PYM1: variants seen among roughly 807,000 people sequenced by gnomAD.
The protein encoded by PYM1 is PYM1 exon junction complex associated factor, also known as partner of Y14 and mago.
Under a neutral mutation model 20.7 loss-of-function variants are expected in PYM1, and 7 were observed. The observed-to-expected ratio is 0.34, with a 90% confidence interval of 0.19 to 0.64. The LOEUF is 0.64. PYM1 is among the 30% of genes least tolerant of loss of function. The pLI is 0.74. For synonymous variants in PYM1, 100 were observed against 99.2 expected, an observed-to-expected ratio of 1.01 and a Z score of -0.05; for missense variants, 194 against 250.0, an observed-to-expected ratio of 0.78 and a Z score of 1.51.
chr12:55,923,980 G>A (rs1330845104), intron 1 of PYM1, among the ~76,000 whole-genome samples: 3 of 151,938 alleles, frequency 2.0e-5, no homozygotes, highest in Non-Finnish European at 4.4e-5. Context: ...GGAGGCTGAG[G>A]CAGAAGAATC....
chr12:55,905,737 T>TAC, intron 1 of PYM1, among the ~76,000 whole-genome samples: 1 of 135,934 alleles, frequency 7.4e-6, no homozygotes, highest in Admixed American at 8.3e-5. Flanking sequence ...TATATATATA[T>TAC]ATTTTATAGA....
intron 1 of PYM1, among the ~76,000 whole-genome samples, chr12:55,904,119 C>T (rs1882742236): frequency 1.3e-5 from 2 of 151,986 alleles, no homozygotes; most frequent in South Asian, 4.2e-4. Context: ...AGGCCCCTGC[C>T]ACCACATCCG....
At chr12:55,926,851 G>A (rs1170539828) in intron 1 of PYM1, among the ~76,000 whole-genome samples, 1 of 152,166 alleles carries the variant, frequency 6.6e-6, no homozygotes, top group Non-Finnish European at 1.5e-5. Context: ...GCAGGGACCA[G>A]CACTGAAGGA....
At chr12:55,925,806 G>T (rs543532372) in intron 1 of PYM1, among the ~76,000 whole-genome samples, 1 of 152,346 alleles carries the variant, frequency 6.6e-6, no homozygotes, top group Non-Finnish European at 1.5e-5. Context: ...TTTTCACGGA[G>T]TCAGGGTAAA....
intron 1 of PYM1, among the ~76,000 whole-genome samples, chr12:55,925,549 GA>G (rs1301080164): frequency 2.0e-5 from 3 of 152,040 alleles, no homozygotes; most frequent in Non-Finnish European, 2.9e-5. Flanking sequence ...AAAAAGGAGA[GA>G]AAAAAATATG....
chr12:55,927,541 A>G (rs1883217624), intron 1 of PYM1, 184 bp downstream of exon 1: 1 of 756,532 alleles, frequency 1.3e-6, no homozygotes, highest in Non-Finnish European at 2.1e-6. Flanking sequence ...GGTGACGTGG[A>G]GCAGACAAAC....
chr12:55,927,413 T>C, intron 1 of PYM1: 1 of 710,916 alleles, frequency 1.4e-6, no homozygotes, highest in Non-Finnish European at 2.5e-6. Context: ...TCCTCGTACG[T>C]CCAGGACCTG....
At chr12:55,927,606 C>CT in intron 1 of PYM1, 119 bp downstream of exon 1, 1 of 1,347,348 alleles carries the variant, frequency 7.4e-7, no homozygotes, top group Non-Finnish European at 1.0e-6. Flanking sequence ...GAGACCCTAT[C>CT]TAACCCTAAG....
rs35583468 is a variant in PYM1 at position 55,906,484 on chromosome 12, C to T, written c.38-3004G>A. ...GTTTCACCAACCATGTCTTTTGCAC[C>T]ATTGGTGCAAAGTCAACCCCATGAA... On this transcript the variant is annotated intron_variant, in intron 1 of 2. Transcript: ENST00000408946. 3.6e-3 allele frequency among the ~76,000 whole-genome samples: 541 copies of T among 152,072 alleles called. 1 individual carries two copies. Among genetic ancestry groups the T allele is most frequent in the Non-Finnish European group, 6.0e-3 (406 of 67,970 alleles).
At chr12:55,908,891 G>A (rs1592636729) in intron 1 of PYM1, among the ~76,000 whole-genome samples, 1 of 151,948 alleles carries the variant, frequency 6.6e-6, no homozygotes, top group Non-Finnish European at 1.5e-5. Context: ...GTTGTTAAAG[G>A]CAATGGGTGA....
At chr12:55,925,381 C>T (rs1883171356) in intron 1 of PYM1, among the ~76,000 whole-genome samples, 1 of 152,098 alleles carries the variant, frequency 6.6e-6, no homozygotes, top group Non-Finnish European at 1.5e-5. Context: ...TGGGGAGCAG[C>T]TGAAGAAAAA....
chr12:55,902,438 C>G (rs1882710736), intron 2 of PYM1, 83 bp from the exon 3 acceptor site: 1 of 1,496,850 alleles, frequency 6.7e-7, no homozygotes, highest in Admixed American at 2.3e-5. Context: ...ACACTTCATC[C>G]TCATTACATT....
intron 1 of PYM1, among the ~76,000 whole-genome samples, chr12:55,905,519 T>A (rs973530519): frequency 1.3e-5 from 2 of 149,892 alleles, no homozygotes; most frequent in Non-Finnish European, 3.0e-5. Context: ...CTGGCTAATA[T>A]GACAAAACCC....
At chr12:55,925,293 C>T (rs973509429) in intron 1 of PYM1, among the ~76,000 whole-genome samples, 2 of 152,100 alleles carry the variant, frequency 1.3e-5, no homozygotes, top group African/African-American at 2.4e-5. Flanking sequence ...GGTCAAGAAC[C>T]AGAGAACTTG....
At chr12:55,924,289 G>A (rs1282914235) in intron 1 of PYM1, among the ~76,000 whole-genome samples, 2 of 152,070 alleles carry the variant, frequency 1.3e-5, no homozygotes, top group Non-Finnish European at 1.5e-5. Flanking sequence ...AATAATGACT[G>A]CAAAGAGTTA....
At chr12:55,920,290 C>T (rs930395299) in intron 1 of PYM1, among the ~76,000 whole-genome samples, 5 of 152,080 alleles carry the variant, frequency 3.3e-5, no homozygotes, top group African/African-American at 1.2e-4. Flanking sequence ...ATCACTTGAA[C>T]CCAGGAGTTG....
intron 1 of PYM1, 87 bp from the exon 2 acceptor site, chr12:55,903,567 T>C: frequency 7.9e-7 from 1 of 1,269,006 alleles, no homozygotes; most frequent in Admixed American, 2.0e-5. Context: ...GTACATACCA[T>C]CTCTCAGCAC....
intron 1 of PYM1, among the ~76,000 whole-genome samples, chr12:55,904,819 G>GGCAGAGGTTTATTTTTT (rs1241851343): frequency 6.6e-6 from 1 of 151,440 alleles, no homozygotes; most frequent in East Asian, 1.9e-4. Flanking sequence ...AGAGGTTGCA[G>GGCAGAGGTTTATTTTTT]TGAGTCTCAA....
At chr12:55,915,515 T>C (rs1882990638) in intron 1 of PYM1, among the ~76,000 whole-genome samples, 1 of 148,006 alleles carries the variant, frequency 6.8e-6, no homozygotes, top group Middle Eastern at 3.5e-3. Flanking sequence ...TTGCAGATCA[T>C]GCCATTGCAC....
Sources: gnomAD v4.1 joint callset for allele counts (sites outside exome capture counted in the v4.1 genomes callset) on GRCh38, gnomAD v4.1.1 for gene constraint, MANE v1.5 for transcripts, NCBI Gene and HGNC (gene_info 2026-07-23, HGNC 2026-07-21) for gene names.